DENND1A: variants seen among roughly 807,000 people sequenced by gnomAD.
DENND1A encodes DENN domain containing 1A.
In DENND1A, 51 loss-of-function variants were observed where a neutral mutation model predicts 113.7. The observed-to-expected ratio is 0.45, with a 90% CI of 0.36 to 0.57. DENND1A has a LOEUF of 0.57. Ranked by LOEUF, DENND1A falls within the 20% of genes least tolerant of loss-of-function variation. The probability of loss-of-function intolerance (pLI) is 0.00; values close to 1 mark genes in which losing one functional copy is unlikely to be tolerated. For synonymous variants in DENND1A, 565 were observed against 570.8 expected, an observed-to-expected ratio of 0.99 and a Z score of 0.14; for missense variants, 1,258 against 1,395.9, an observed-to-expected ratio of 0.90 and a Z score of 1.57.
At chr9:123,568,237 T>G (rs1469729338) in intron 12 of DENND1A, among the ~76,000 whole-genome samples, 1 of 152,230 alleles carries the variant, frequency 6.6e-6, no homozygotes, top group South Asian at 2.1e-4. Context: ...TGAGTTCAAA[T>G]TCTGGCTCTC....
In DENND1A at chr9:123,428,590, T is replaced by C. The variant is rs2045913087; in HGVS notation, c.1488+11770A>G. Among the ~76,000 whole-genome samples, 3 of 152,296 alleles carry C rather than the reference T, an allele frequency of 2.0e-5. 1 individual carries two copies. In the South Asian group the frequency reaches 6.2e-4, roughly 32 times the overall value. On this transcript the variant is annotated intron_variant, in intron 19 of 23. Coordinates refer to ENST00000394215, the MANE Select transcript of DENND1A (RefSeq NM_001352964.2). ...GAGAAAGAAATAAAGGGCATTCAAA[T>C]AGAAAGACAGGAAGTCAAATTATCT...
At chr9:123,855,193 T>C (rs1843978119) in intron 2 of DENND1A, among the ~76,000 whole-genome samples, 1 of 151,070 alleles carries the variant, frequency 6.6e-6, no homozygotes, top group South Asian at 2.1e-4. Flanking sequence ...ACCTACTGAA[T>C]ACGATTATTC....
chr9:123,694,056 G>C (rs1305222639), intron 5 of DENND1A, among the ~76,000 whole-genome samples: 1 of 151,130 alleles, frequency 6.6e-6, no homozygotes, highest in Non-Finnish European at 1.5e-5. Flanking sequence ...GGATGGTCTC[G>C]ATCTCTTGAC....
intron 13 of DENND1A, among the ~76,000 whole-genome samples, chr9:123,477,394 T>G (rs2050001086): frequency 6.6e-6 from 1 of 151,856 alleles, no homozygotes; most frequent in African/African-American, 2.4e-5. Context: ...CTATAAATTT[T>G]TTTTTTTTTT....
At chr9:123,561,685 G>C (rs952919751) in intron 12 of DENND1A, among the ~76,000 whole-genome samples, 1 of 152,090 alleles carries the variant, frequency 6.6e-6, no homozygotes, top group South Asian at 2.1e-4. Flanking sequence ...GGTGAGGATG[G>C]CTTCCTCCTT....
chr9:123,759,828 C>A (rs1409964095), intron 4 of DENND1A: 1 of 152,208 alleles, frequency 6.6e-6, no homozygotes, highest in Non-Finnish European at 1.5e-5. Context: ...ATGCTAGATT[C>A]AGTTTTGTCT....
chr9:123,447,134 G>C (rs1487607447), intron 18 of DENND1A, among the ~76,000 whole-genome samples: 1 of 152,220 alleles, frequency 6.6e-6, no homozygotes, highest in Admixed American at 6.5e-5. Context: ...AGACACTCCA[G>C]ATGAAAGCAC....
At chr9:123,757,361 C>T (rs1370029916) in intron 5 of DENND1A, among the ~76,000 whole-genome samples, 2 of 152,308 alleles carry the variant, frequency 1.3e-5, no homozygotes, top group South Asian at 2.1e-4. Context: ...ATCTTACATA[C>T]ACAAAATGTC....
At position 123,689,483 on chromosome 9, in the gene DENND1A, A is replaced by AT. The variant is rs2065030301; in HGVS notation, c.303-12695dup. 3.9e-5 allele frequency among the ~76,000 whole-genome samples: 6 copies of AT among 152,234 alleles called. No homozygotes were observed. The South Asian group carries it at 1.0e-3, about 26-fold the overall frequency. Reference sequence around the variant, plus strand: ...TTTACCGGCCTTAAATATTGTGACAATTTTTTTGGTAATATATTTTAAATG... The same window carrying AT: ...TTTACCGGCCTTAAATATTGTGACAATTTTTTTTGGTAATATATTTTAAATG... On this transcript the variant is annotated intron_variant, in intron 5 of 23. Coordinates refer to ENST00000394215, the MANE Select transcript of DENND1A (RefSeq NM_001352964.2).
Position 123,406,144 on chromosome 9 carries a change from A to G in DENND1A, c.1543-2654T>C, listed in dbSNP as rs550877908. Reference sequence around the variant, plus strand: ...GACACAGATGATAGAAGCTGGCTGCATAAAAGACAAGTCTTTACAGAGTCT... The same window carrying G: ...GACACAGATGATAGAAGCTGGCTGCGTAAAAGACAAGTCTTTACAGAGTCT... On this transcript the variant is annotated intron_variant, in intron 20 of 23. Coordinates refer to ENST00000394215, the MANE Select transcript of DENND1A (RefSeq NM_001352964.2). Among the ~76,000 whole-genome samples, 26 of 152,380 alleles carry G rather than the reference A, an allele frequency of 1.7e-4. No homozygotes were observed. The South Asian group carries it at 5.0e-3, about 29-fold the overall frequency.
chr9:123,925,068 AG>A (rs1856866598), intron 1 of DENND1A, among the ~76,000 whole-genome samples: 1 of 152,124 alleles, frequency 6.6e-6, no homozygotes, highest in South Asian at 2.1e-4. Flanking sequence ...ACATCCACAT[AG>A]CTTTATGTGA....
intron 10 of DENND1A, among the ~76,000 whole-genome samples, chr9:123,629,648 C>T (rs1361823455): frequency 6.6e-6 from 1 of 152,206 alleles, no homozygotes; most frequent in East Asian, 1.9e-4. Context: ...GTAGGGCTGT[C>T]GCCAAAACCT....
intron 13 of DENND1A, among the ~76,000 whole-genome samples, chr9:123,524,494 A>G (rs193213746): frequency 6.6e-6 from 1 of 152,212 alleles, no homozygotes; most frequent in African/African-American, 2.4e-5. Context: ...GTGGTGGCCA[A>G]CACAGATGAG....
At chr9:123,644,752 C>A (rs1051738594) in intron 9 of DENND1A, among the ~76,000 whole-genome samples, 13 of 152,218 alleles carry the variant, frequency 8.5e-5, no homozygotes, top group Non-Finnish European at 1.5e-5. Flanking sequence ...TCATAACGAC[C>A]TATATTCATG....
chr9:123,506,140 T>C (rs1267396858), intron 13 of DENND1A, among the ~76,000 whole-genome samples: 1 of 152,220 alleles, frequency 6.6e-6, no homozygotes, highest in African/African-American at 2.4e-5. Context: ...CTGTGTTACC[T>C]TGGGCAAATC....
At chr9:123,748,346 A>ATC (rs1180756972) in intron 5 of DENND1A, among the ~76,000 whole-genome samples, 2 of 152,234 alleles carry the variant, frequency 1.3e-5, no homozygotes, top group Non-Finnish European at 2.9e-5. Context: ...GAGAAAGTGT[A>ATC]TCTTTATAAT....
At chr9:123,483,639 G>C (rs1392367332) in intron 13 of DENND1A, among the ~76,000 whole-genome samples, 1 of 152,260 alleles carries the variant, frequency 6.6e-6, no homozygotes, top group Admixed American at 6.5e-5. Context: ...TAGCTTCTGA[G>C]GGACAGTGTG....
intron 2 of DENND1A, among the ~76,000 whole-genome samples, chr9:123,821,527 A>G (rs990416197): frequency 6.6e-6 from 1 of 152,256 alleles, no homozygotes; most frequent in Non-Finnish European, 1.5e-5. Context: ...ATCTTTCCTT[A>G]TGGTGGATTA....
chr9:123,509,155 A>C (rs2053228251), intron 13 of DENND1A, among the ~76,000 whole-genome samples: 1 of 152,208 alleles, frequency 6.6e-6, no homozygotes, highest in Admixed American at 6.5e-5. Flanking sequence ...ACACTCAAAC[A>C]CAAGCCCGTA....
Sources: allele counts gnomAD v4.1 joint callset (sites outside exome capture counted in the v4.1 genomes callset), GRCh38; gene constraint gnomAD v4.1.1; transcripts MANE v1.5; gene names NCBI Gene and HGNC (gene_info 2026-07-23, HGNC 2026-07-21).